NWD1: variants seen among roughly 807,000 people sequenced by gnomAD.
The protein encoded by NWD1 is NACHT domain- and WD repeat-containing protein 1.
Under a neutral mutation model 135.1 loss-of-function variants are expected in NWD1, and 129 were observed. That is an observed-to-expected ratio of 0.96 (90% CI 0.83 to 1.11). NWD1 has a LOEUF of 1.11. Ranked by LOEUF, NWD1 falls within the 50% of genes least tolerant of loss-of-function variation. NWD1 has a pLI of 0.00. For missense variants in NWD1, 1,740 were observed against 1,851.3 expected (o/e 0.94, Z 1.10); for synonymous variants, 773 against 786.0 (o/e 0.98, Z 0.28).
At chr19:16,728,196 G>A (rs1467873655) in intron 2 of NWD1, among the ~76,000 whole-genome samples, 1 of 152,024 alleles carries the variant, frequency 6.6e-6, no homozygotes, top group Non-Finnish European at 1.5e-5. Flanking sequence ...TTTAAACCAC[G>A]GAAATTGGCA....
intron 2 of NWD1, among the ~76,000 whole-genome samples, chr19:16,729,610 G>T (rs1967474873): frequency 6.6e-6 from 1 of 151,456 alleles, no homozygotes; most frequent in Non-Finnish European, 1.5e-5. Flanking sequence ...GGGTGCAGTG[G>T]CTCACACCTG....
At chr19:16,766,722 A>T (rs1321484297) in intron 10 of NWD1, among the ~76,000 whole-genome samples, 1 of 152,042 alleles carries the variant, frequency 6.6e-6, no homozygotes, top group East Asian at 1.9e-4. Context: ...AGTAGCTGAG[A>T]CTACTGACAT....
chr19:16,807,811 T>C lies in NWD1; in HGVS notation c.3962T>C (p.Ile1321Thr), dbSNP rs772319757. 4.3e-6 allele frequency: 7 copies of C among 1,613,964 alleles called. No homozygotes were observed. In the African/African-American group the frequency reaches 8.0e-5, roughly 18 times the overall value. ...EDRLAIAYDN[I>T]VLVLDITSGD... Reference sequence around the variant, plus strand: ...CGCCTGGCCATCGCCTATGACAACATCGTCCTGGTGCTGGACATCACCTCC... The same window carrying C: ...CGCCTGGCCATCGCCTATGACAACACCGTCCTGGTGCTGGACATCACCTCC... Residue 1321 changes from isoleucine (I) to threonine (T), a missense_variant, in exon 18 of 19, where the codon ATC (isoleucine) becomes ACC (threonine). By Grantham distance (89) the Ile-to-Thr change is moderately conservative. Coordinates refer to ENST00000524140, the MANE Select transcript of NWD1 (RefSeq NM_001007525.5).
intron 10 of NWD1, among the ~76,000 whole-genome samples, chr19:16,769,492 A>G (rs1330310334): frequency 1.3e-5 from 2 of 151,312 alleles, no homozygotes; most frequent in Non-Finnish European, 2.9e-5. Flanking sequence ...CTCACTAAGT[A>G]TCTCTATTGA....
chr19:16,749,484 T>C lies in NWD1; in HGVS notation c.842T>C (p.Leu281Pro), dbSNP rs1488896147. ...GCCAATCACCAGGTCCTCACACGCC[T>C]CCGTGAGCTGGATACGGCCGGACAG... ...VRANHQVLTR[L>P]RELDTAGQEL... is the part of the protein sequence containing the mutation. The change falls in exon 6 of 19, where the codon CTC (leucine) becomes CCC (proline). Residue 281 changes from leucine to proline, a missense_variant. By Grantham distance (98) the Leu-to-Pro change is moderately conservative (BLOSUM62 -3). Transcript: ENST00000524140. 4 of 1,611,934 alleles carry C rather than the reference T, an allele frequency of 2.5e-6. No individual in the cohort carries two copies. Among genetic ancestry groups the C allele is most frequent in the Non-Finnish European group, 2.5e-6 (3 of 1,178,252 alleles).
chr19:16,749,737 G>A lies in NWD1; in HGVS notation c.1095G>A (p.Lys365=), dbSNP rs16981402. The A allele has an allele frequency of 8.1e-3, 13,033 of 1,607,120 alleles. 904 individuals are homozygous for A. The African/African-American group carries it at 0.15, about 19-fold the overall frequency. Residue 365 remains lysine, a synonymous_variant, in exon 6 of 19, where the codon AAG becomes AAA. Transcript: ENST00000524140. ...AGATGCCAAGGCTGCTGGGGCACAAGACAGTGACCGTCCTGCGGCTGCTGG... is the reference window on the plus strand; with the variant it reads ...AGATGCCAAGGCTGCTGGGGCACAAAACAGTGACCGTCCTGCGGCTGCTGG... ...AEQMPRLLGH[K]TVTVLRLLGT...
chr19:16,783,564 G>A (rs1969935259), intron 12 of NWD1, among the ~76,000 whole-genome samples: 1 of 151,838 alleles, frequency 6.6e-6, no homozygotes, highest in African/African-American at 2.4e-5. Context: ...AACCCAGGAG[G>A]TGGAGGTTGC....
chr19:16,783,751 AC>A (rs1398496337), intron 12 of NWD1, among the ~76,000 whole-genome samples: 1 of 151,842 alleles, frequency 6.6e-6, no homozygotes, highest in African/African-American at 2.4e-5. Context: ...ACAAATAAAT[AC>A]AATTTTTACA....
intron 2 of NWD1, among the ~76,000 whole-genome samples, chr19:16,726,670 C>G (rs532824145): frequency 2.0e-5 from 3 of 152,148 alleles, no homozygotes; most frequent in Non-Finnish European, 4.4e-5. Flanking sequence ...AACTCCTAAC[C>G]TCAAGTGATC....
intron 1 of NWD1, among the ~76,000 whole-genome samples, chr19:16,722,878 A>T (rs999016107): frequency 3.3e-5 from 5 of 151,574 alleles, no homozygotes; most frequent in African/African-American, 1.2e-4. Context: ...CCCAATAAAA[A>T]CCCCGGACAC....
chr19:16,762,634 A>G (rs1173370069), intron 8 of NWD1, among the ~76,000 whole-genome samples: 1 of 152,192 alleles, frequency 6.6e-6, no homozygotes, highest in Non-Finnish European at 1.5e-5. Context: ...CTGTTGTATA[A>G]TGATTGCAAC....
chr19:16,803,755 T>TAAAA (rs756016333), intron 17 of NWD1, among the ~76,000 whole-genome samples: 5 of 128,456 alleles, frequency 3.9e-5, no homozygotes, highest in African/African-American at 1.4e-4. Flanking sequence ...CAACTCTACT[T>TAAAA]AAAAAAAAAA....
chr19:16,749,646 C>T lies in NWD1; in HGVS notation c.1004C>T (p.Thr335Ile). 1.2e-6 allele frequency: 2 copies of T among 1,606,674 alleles called. No homozygotes were observed. The highest frequency in any genetic ancestry group is 1.7e-6 in the Non-Finnish European group (2 of 1,175,278). Residue 335 changes from threonine (T) to isoleucine (I), a missense_variant, in exon 6 of 19, where the codon ACC becomes ATC. Physicochemically the swap from Thr to Ile is moderately conservative, Grantham distance 89. Transcript: ENST00000524140. ...QLRHDDSKQHTPLVLFGPPGI... is the reference protein window; with the variant it reads ...QLRHDDSKQHIPLVLFGPPGI... The stretch of plus-strand genomic sequence containing the variant: ...AGGCACGATGACAGCAAGCAGCACA[C>T]CCCCCTGGTACTCTTTGGGCCCCCA...
At chr19:16,732,654 C>CAAAAAAAAAAAAAAAAAAAAAA (rs759471981) in intron 3 of NWD1, among the ~76,000 whole-genome samples, 2 of 30,322 alleles carry the variant, frequency 6.6e-5, no homozygotes, top group Non-Finnish European at 1.2e-4. Flanking sequence ...GACTTCATCT[C>CAAAAAAAAAAAAAAAAAAAAAA]AAAAAAAAAA....
At chr19:16,744,789 G>A in intron 5 of NWD1, 71 bp downstream of exon 5, 1 of 1,337,988 alleles carries the variant, frequency 7.5e-7, no homozygotes, top group Non-Finnish European at 1.0e-6. Flanking sequence ...TCCATCCCCT[G>A]TTGGCAAAAA....
rs1185551934 is a variant in NWD1 at position 16,762,112 on chromosome 19, G to T, written c.2107G>T (p.Gly703Trp). The T allele has an allele frequency of 6.2e-7, 1 of 1,613,788 alleles. No homozygotes were observed. The highest frequency in any genetic ancestry group is 8.5e-7 in the Non-Finnish European group (1 of 1,179,950). ...TKKLITLPLV[G>W]KPLNLDRKVA... Reference sequence around the variant, plus strand: ...GAAGCTCATCACTCTGCCACTTGTGGGGAAACCACTGAACTTGGACCGAAA... The same window carrying T: ...GAAGCTCATCACTCTGCCACTTGTGTGGAAACCACTGAACTTGGACCGAAA... The change falls in exon 8 of 19, where the codon GGG becomes TGG. Residue 703 changes from glycine to tryptophan, a missense_variant. Gly to Trp is a radical substitution (Grantham distance 184). Coordinates refer to ENST00000524140, the MANE Select transcript of NWD1 (RefSeq NM_001007525.5).
At chr19:16,767,212 C>A (rs1191892146) in intron 10 of NWD1, among the ~76,000 whole-genome samples, 1 of 126,128 alleles carries the variant, frequency 7.9e-6, no homozygotes, top group African/African-American at 3.0e-5. Context: ...CAGAGTCTCG[C>A]TCTGTCGCCC....
At chr19:16,748,844 G>T (rs546995511) in intron 5 of NWD1, among the ~76,000 whole-genome samples, 265 of 151,874 alleles carry the variant, frequency 1.7e-3, no homozygotes, top group African/African-American at 5.8e-3. Context: ...ATAATAAGAA[G>T]AAGAATAAGA....
In NWD1 at chr19:16,759,264, C is replaced by T. The variant is rs1968916341; in HGVS notation, c.1809C>T (p.Ser603=). ...LSEAELKDVL[S]LDDEVLQDVY... ...AGGCGGAGCTGAAGGATGTTTTGTC[C>T]CTGGACGACGAGGTCCTGCAGGATG... Residue 603 remains serine (S), a synonymous_variant, in exon 7 of 19, where the codon TCC becomes TCT. Coordinates refer to ENST00000524140, the MANE Select transcript of NWD1 (RefSeq NM_001007525.5). 2 of 1,614,022 alleles carry T rather than the reference C, an allele frequency of 1.2e-6. No homozygotes were observed. Among genetic ancestry groups the T allele is most frequent in the Non-Finnish European group, 1.7e-6 (2 of 1,180,028 alleles).
Sources: gnomAD v4.1 joint callset for allele counts (sites outside exome capture counted in the v4.1 genomes callset) on GRCh38, gnomAD v4.1.1 for gene constraint, MANE v1.5 for transcripts, NCBI Gene and HGNC (gene_info 2026-07-23, HGNC 2026-07-21) for gene names.